Variants in AKR1D1 observed in about 807,000 individuals in gnomAD.
AKR1D1 encodes aldo-keto reductase family 1 member D1.
Under a neutral mutation model 42.6 loss-of-function variants are expected in AKR1D1, and 32 were observed. The observed-to-expected ratio is 0.75, with a 90% confidence interval of 0.57 to 1.01. AKR1D1 has a LOEUF of 1.01. Ranked by LOEUF, AKR1D1 falls within the 50% of genes least tolerant of loss-of-function variation. The pLI is 0.00. For synonymous variants in AKR1D1, 123 were observed against 135.5 expected, an observed-to-expected ratio of 0.91 and a Z score of 0.64; for missense variants, 364 against 402.2, an observed-to-expected ratio of 0.91 and a Z score of 0.81.
intron 8 of AKR1D1, among the ~76,000 whole-genome samples, chr7:138,116,232 G>A (rs1794630209): frequency 6.6e-6 from 1 of 152,130 alleles, no homozygotes; most frequent in African/African-American, 2.4e-5. Context: ...CTGGTAATAA[G>A]AGTTTTGAAG....
At chr7:138,094,058 C>A (rs1183592546) in intron 3 of AKR1D1, among the ~76,000 whole-genome samples, 1 of 152,100 alleles carries the variant, frequency 6.6e-6, no homozygotes, top group Non-Finnish European at 1.5e-5. Flanking sequence ...TAGATAATTT[C>A]TATTCTTATT....
At chr7:138,080,316 C>A (rs1803026803) in intron 1 of AKR1D1, among the ~76,000 whole-genome samples, 3 of 151,908 alleles carry the variant, frequency 2.0e-5, no homozygotes, top group Admixed American at 2.0e-4. Flanking sequence ...GCAACTCTCC[C>A]ACCTTGGCCT....
At chr7:138,107,804 T>C (rs1794463365) in intron 7 of AKR1D1, among the ~76,000 whole-genome samples, 1 of 152,198 alleles carries the variant, frequency 6.6e-6, no homozygotes, top group Admixed American at 6.6e-5. Context: ...TCCAGATCTC[T>C]TATATTTTCT....
chr7:138,091,357 C>T (rs889105532), intron 2 of AKR1D1: 25 of 254,988 alleles, frequency 9.8e-5, no homozygotes, highest in African/African-American at 5.4e-4. Context: ...GACGGCTTTC[C>T]CTGATGAAGG....
intron 8 of AKR1D1, among the ~76,000 whole-genome samples, chr7:138,115,372 T>G (rs1794614789): frequency 4.6e-5 from 7 of 152,092 alleles, no homozygotes. Flanking sequence ...GACCCCAGAC[T>G]TTGAGTGAGC....
At chr7:138,098,559 G>A (rs988362938) in intron 4 of AKR1D1, among the ~76,000 whole-genome samples, 10 of 152,204 alleles carry the variant, frequency 6.6e-5, no homozygotes, top group South Asian at 4.1e-4. Flanking sequence ...GCAGTGAGCC[G>A]AGATCATGCC....
chr7:138,084,484 G>A (rs193042651), intron 1 of AKR1D1, among the ~76,000 whole-genome samples: 260 of 151,956 alleles, frequency 1.7e-3, no homozygotes, highest in African/African-American at 5.3e-3. Flanking sequence ...CTCCCAAAGC[G>A]CTGGGATTAC....
Position 138,091,895 on chromosome 7 carries a change from A to T in AKR1D1, c.378+11A>T, listed in dbSNP as rs1452687564. 1 of 1,586,234 alleles carries T rather than the reference A, an allele frequency of 6.3e-7. No homozygotes were observed. The highest frequency in any genetic ancestry group is 8.7e-7 in the Non-Finnish European group (1 of 1,155,284). ...CCCATGGCCTTTAAGGTGAGTTCAG[A>T]TGCCCAAAGGTCAGGTCTCTGCACC... On this transcript the variant is annotated intron_variant, in intron 3 of 8. Coordinates refer to ENST00000242375, the MANE Select transcript of AKR1D1 (RefSeq NM_005989.4).
Position 138,088,911 on chromosome 7 carries a change from T to C in AKR1D1, c.261+143T>C, listed in dbSNP as rs925000756. 2.6e-5 allele frequency: 24 copies of C among 931,640 alleles called. No homozygotes were observed. The East Asian group carries it at 5.9e-4, about 23-fold the overall frequency. The allele number at this position is 931,640 out of a possible 1,614,324, so 57.7% of individuals were successfully genotyped here. A position where few individuals can be genotyped will look rare whatever the true frequency, so the allele number is the denominator to read the frequency against. ...ATAACAGTTTGGGTTTGTTTGTTTG[T>C]TTGTTTGTTTGAAAGATAAGTGTTC... On this transcript the variant is annotated intron_variant, in intron 2 of 8. Coordinates refer to ENST00000242375, the MANE Select transcript of AKR1D1 (RefSeq NM_005989.4).
intron 1 of AKR1D1, among the ~76,000 whole-genome samples, chr7:138,077,478 G>C (rs1407134372): frequency 6.6e-6 from 1 of 152,142 alleles, no homozygotes; most frequent in African/African-American, 2.4e-5. Flanking sequence ...CAACATGTGG[G>C]GATAATGGGA....
chr7:138,081,879 G>A (rs903461046), intron 1 of AKR1D1, among the ~76,000 whole-genome samples: 5 of 151,956 alleles, frequency 3.3e-5, no homozygotes, highest in African/African-American at 7.3e-5. Flanking sequence ...AACAAGCCCA[G>A]CCAAGAACTC....
At chr7:138,091,700 A>G (rs1794082086) in intron 2 of AKR1D1, 68 bp from the exon 3 acceptor site, 1 of 1,263,608 alleles carries the variant, frequency 7.9e-7, no homozygotes. Flanking sequence ...TTTTACAAAG[A>G]AAAAGGGGCT....
At chr7:138,103,997 C>T (rs780382469) in intron 4 of AKR1D1, among the ~76,000 whole-genome samples, 1 of 151,914 alleles carries the variant, frequency 6.6e-6, no homozygotes, top group Non-Finnish European at 1.5e-5. Context: ...AAAATTTAGC[C>T]AGTGTGGTTG....
At position 138,118,070 on chromosome 7, in the gene AKR1D1, A is replaced by C. The variant is rs1225559713; in HGVS notation, c.*1408A>C. 1 of 152,194 alleles carries C rather than the reference A, an allele frequency of 6.6e-6. No homozygotes were observed. Among genetic ancestry groups the C allele is most frequent in the Non-Finnish European group, 1.5e-5 (1 of 68,040 alleles). 9.4% of individuals were successfully genotyped at this position (152,194 alleles called of 1,614,324 possible). A position where few individuals can be genotyped will look rare whatever the true frequency, so the allele number is the denominator to read the frequency against. On this transcript the variant is annotated 3_prime_UTR_variant, in exon 9 of 9. Coordinates refer to ENST00000242375, the MANE Select transcript of AKR1D1 (RefSeq NM_005989.4). The stretch of plus-strand genomic sequence containing the variant: ...ATATTTTATTCATTCACATTAGGTC[A>C]CTGTCATACTGTCATAGGATGAGAG...
chr7:138,089,435 TAA>T (rs201870108), intron 2 of AKR1D1, among the ~76,000 whole-genome samples: 7 of 132,082 alleles, frequency 5.3e-5, no homozygotes, highest in Non-Finnish European at 5.0e-5. Flanking sequence ...AAACGTAAAT[TAA>T]AAAAAAAAAA....
intron 1 of AKR1D1, among the ~76,000 whole-genome samples, chr7:138,084,092 G>A (rs1434147251): frequency 1.3e-5 from 2 of 152,086 alleles, no homozygotes; most frequent in African/African-American, 2.4e-5. Context: ...CCCAGGGACT[G>A]GAGGTGGCCA....
Position 138,118,083 on chromosome 7 carries a change from C to T in AKR1D1, c.*1421C>T, listed in dbSNP as rs1375641377. The stretch of plus-strand genomic sequence containing the variant: ...TCACATTAGGTCACTGTCATACTGT[C>T]ATAGGATGAGAGAGTTCTTCAAAAA... On this transcript the variant is annotated 3_prime_UTR_variant, in exon 9 of 9. Transcript: ENST00000242375. 6.6e-6 allele frequency: 1 copy of T among 152,196 alleles called. No individual in the cohort carries two copies. Among genetic ancestry groups the T allele is most frequent in the East Asian group, 1.9e-4 (1 of 5,172 alleles). The allele number at this position is 152,196 out of a possible 1,614,324, so 9.4% of individuals were successfully genotyped here. A position where few individuals can be genotyped will look rare whatever the true frequency, so the allele number is the denominator to read the frequency against.
chr7:138,105,356 C>T lies in AKR1D1; in HGVS notation c.506C>T (p.Ser169Phe), dbSNP rs1794400133. ...GGCTTGGTGAAATCCCTGGGAGTGTCCAATTTTAACCGCAGGCAGCTGGAG... is the reference window on the plus strand; with the variant it reads ...GGCTTGGTGAAATCCCTGGGAGTGTTCAATTTTAACCGCAGGCAGCTGGAG... ...DAGLVKSLGV[S>F]NFNRRQLELI... The change falls in exon 5 of 9, where the codon TCC becomes TTC. Residue 169 changes from serine to phenylalanine, a missense_variant. By Grantham distance (155) the Ser-to-Phe change is radical. Coordinates refer to ENST00000242375, the MANE Select transcript of AKR1D1 (RefSeq NM_005989.4). 3 of 1,614,074 alleles carry T rather than the reference C, an allele frequency of 1.9e-6. No individual in the cohort carries two copies. The highest frequency in any genetic ancestry group is 2.5e-6 in the Non-Finnish European group (3 of 1,180,024).
intron 4 of AKR1D1, among the ~76,000 whole-genome samples, chr7:138,100,024 G>A (rs1794259404): frequency 7.8e-6 from 1 of 129,012 alleles, no homozygotes; most frequent in South Asian, 2.6e-4. Flanking sequence ...GCCACAGTGT[G>A]CTATAGTCAT....
Sources: gnomAD v4.1 joint callset for allele counts (sites outside exome capture counted in the v4.1 genomes callset) on GRCh38, gnomAD v4.1.1 for gene constraint, MANE v1.5 for transcripts, NCBI Gene and HGNC (gene_info 2026-07-23, HGNC 2026-07-21) for gene names.